KCNJ3: variants seen among roughly 807,000 people sequenced by gnomAD.
KCNJ3 encodes G protein-activated inward rectifier potassium channel 1.
In KCNJ3, 4 loss-of-function variants were observed where a neutral mutation model predicts 39.2. The observed-to-expected ratio is 0.10, with a 90% CI of 0.05 to 0.23. KCNJ3 has a LOEUF of 0.23. KCNJ3 is among the 10% of genes least tolerant of loss of function. The pLI, the probability that KCNJ3 is intolerant of heterozygous loss-of-function variation, is 1.00. For missense variants in KCNJ3, 276 were observed against 634.9 expected (o/e 0.43, Z 6.08); for synonymous variants, 230 against 237.4 (o/e 0.97, Z 0.29).
At chr2:154,851,798 G>A (rs1469315758) in intron 2 of KCNJ3, among the ~76,000 whole-genome samples, 1 of 152,120 alleles carries the variant, frequency 6.6e-6, no homozygotes, top group Non-Finnish European at 1.5e-5. Context: ...CACTGTAGAT[G>A]TCATAGCACT....
chr2:154,726,932 A>G (rs925297420), intron 2 of KCNJ3, among the ~76,000 whole-genome samples: 3 of 151,928 alleles, frequency 2.0e-5, no homozygotes, highest in Admixed American at 2.0e-4. Context: ...AAAACCAAAT[A>G]TCATATGTTT....
At chr2:154,701,643 G>A (rs1375461933) in intron 1 of KCNJ3, among the ~76,000 whole-genome samples, 2 of 152,056 alleles carry the variant, frequency 1.3e-5, no homozygotes, top group East Asian at 3.8e-4. Flanking sequence ...CAAATTTGGA[G>A]CAAGGTGCTA....
At chr2:154,776,158 C>T (rs994163076) in intron 2 of KCNJ3, among the ~76,000 whole-genome samples, 5 of 151,906 alleles carry the variant, frequency 3.3e-5, no homozygotes, top group Non-Finnish European at 7.4e-5. Flanking sequence ...CACACCCCCA[C>T]GCCAGGCTAA....
chr2:154,796,752 C>A (rs1192955657), intron 2 of KCNJ3, among the ~76,000 whole-genome samples: 1 of 152,074 alleles, frequency 6.6e-6, no homozygotes. Context: ...ACCTTGTTAG[C>A]ATTATTGCAA....
rs189560661 is a variant in KCNJ3 at position 154,729,776 on chromosome 2, T to C, written c.919+19957T>C. Among the ~76,000 whole-genome samples the C allele has an allele frequency of 2.6e-5, 4 of 152,284 alleles. No homozygotes were observed. In the East Asian group the frequency reaches 7.7e-4, roughly 29 times the overall value. The stretch of plus-strand genomic sequence containing the variant: ...AAAACAGAGTGAATAAGAATAATGT[T>C]TTATTATAAAGCAAACTGTAATGAA... On this transcript the variant is annotated intron_variant, in intron 2 of 2. Transcript: ENST00000295101.
Position 154,796,492 on chromosome 2 carries a change from G to A in KCNJ3, c.920-58235G>A, listed in dbSNP as rs116812145. ...ACCTGACCACCTTACTAAATGAAGC[G>A]ATACCTTTTGGGCATTACTCAGTTG... On this transcript the variant is annotated intron_variant, in intron 2 of 2. Coordinates refer to ENST00000295101, the MANE Select transcript of KCNJ3 (RefSeq NM_002239.4). 2.2e-3 allele frequency among the ~76,000 whole-genome samples: 335 copies of A among 152,150 alleles called. 1 individual carries two copies. Among genetic ancestry groups the A allele is most frequent in the Non-Finnish European group, 3.8e-3 (261 of 67,992 alleles).
intron 2 of KCNJ3, among the ~76,000 whole-genome samples, chr2:154,844,403 C>G (rs1687631474): frequency 6.6e-6 from 1 of 152,176 alleles, no homozygotes; most frequent in Non-Finnish European, 1.5e-5. Flanking sequence ...ACACAGGAGA[C>G]AGGGACCAAC....
At chr2:154,848,542 G>T (rs1478093092) in intron 2 of KCNJ3, among the ~76,000 whole-genome samples, 4 of 151,978 alleles carry the variant, frequency 2.6e-5, no homozygotes, top group Non-Finnish European at 5.9e-5. Flanking sequence ...ATTCTTAAAA[G>T]TTCACTCATC....
At chr2:154,714,056 T>C (rs1685143967) in intron 2 of KCNJ3, among the ~76,000 whole-genome samples, 1 of 152,184 alleles carries the variant, frequency 6.6e-6, no homozygotes. Flanking sequence ...AGTTAGCTTC[T>C]CTTTCTCTTT....
chr2:154,777,050 A>ACACG (rs147840997), intron 2 of KCNJ3, among the ~76,000 whole-genome samples: 1 of 151,944 alleles, frequency 6.6e-6, no homozygotes, highest in African/African-American at 2.4e-5. Context: ...ACGCACACAC[A>ACACG]CACACACACA....
intron 2 of KCNJ3, among the ~76,000 whole-genome samples, chr2:154,825,587 A>G (rs1687257711): frequency 7.1e-6 from 1 of 140,678 alleles, no homozygotes; most frequent in Non-Finnish European, 1.5e-5. Context: ...TTTATTTATT[A>G]TTTTTTGAGA....
At chr2:154,842,607 T>A (rs1687593351) in intron 2 of KCNJ3, among the ~76,000 whole-genome samples, 1 of 152,218 alleles carries the variant, frequency 6.6e-6, no homozygotes, top group African/African-American at 2.4e-5. Context: ...GGACTTGCTT[T>A]ATGAATCTGA....
At chr2:154,850,008 C>CTTTTTTTTTTTTTTTTTTT (rs373062062) in intron 2 of KCNJ3, among the ~76,000 whole-genome samples, 3 of 48,838 alleles carry the variant, frequency 6.1e-5, no homozygotes, top group Non-Finnish European at 1.1e-4. Flanking sequence ...CAGAATAAAT[C>CTTTTTTTTTTTTTTTTTTT]TTTTTTTTTT....
intron 2 of KCNJ3, among the ~76,000 whole-genome samples, chr2:154,839,544 CCCA>C (rs1381754519): frequency 6.6e-6 from 1 of 152,188 alleles, no homozygotes; most frequent in African/African-American, 2.4e-5. Flanking sequence ...AATTTACACT[CCCA>C]CCAACAGTGT....
chr2:154,758,740 T>G (rs1685985240), intron 2 of KCNJ3, among the ~76,000 whole-genome samples: 1 of 152,192 alleles, frequency 6.6e-6, no homozygotes, highest in African/African-American at 2.4e-5. Flanking sequence ...TGACGTGTGT[T>G]AAGGGAGAAA....
intron 2 of KCNJ3, among the ~76,000 whole-genome samples, chr2:154,711,516 T>G (rs1328810480): frequency 3.9e-5 from 6 of 152,134 alleles, no homozygotes; most frequent in African/African-American, 1.2e-4. Context: ...TTCATTTCTG[T>G]TTTTCCCTAA....
chr2:154,805,913 T>G (rs1218091687), intron 2 of KCNJ3, among the ~76,000 whole-genome samples: 2 of 152,190 alleles, frequency 1.3e-5, no homozygotes, highest in Non-Finnish European at 2.9e-5. Flanking sequence ...AATGTTTCAA[T>G]GTTCTACATG....
chr2:154,797,328 C>T lies in KCNJ3; in HGVS notation c.920-57399C>T, dbSNP rs1686736750. Among the ~76,000 whole-genome samples the T allele has an allele frequency of 2.0e-5, 3 of 151,990 alleles. No individual in the cohort carries two copies. The South Asian group carries it at 6.2e-4, about 32-fold the overall frequency. ...TAGATAATAGATTTTTTGGAAAAAG[C>T]CTTTTATTTGATACTATGATACATG... On this transcript the variant is annotated intron_variant, in intron 2 of 2. Coordinates refer to ENST00000295101, the MANE Select transcript of KCNJ3 (RefSeq NM_002239.4).
At chr2:154,823,909 A>G (rs1574475682) in intron 2 of KCNJ3, among the ~76,000 whole-genome samples, 2 of 152,120 alleles carry the variant, frequency 1.3e-5, no homozygotes, top group African/African-American at 2.4e-5. Flanking sequence ...TACTCATCAT[A>G]TAATTGTTGA....
Sources: gnomAD v4.1 joint callset for allele counts (sites outside exome capture counted in the v4.1 genomes callset) on GRCh38, gnomAD v4.1.1 for gene constraint, MANE v1.5 for transcripts, NCBI Gene and HGNC (gene_info 2026-07-23, HGNC 2026-07-21) for gene names.